The following NAV2 variants were observed in gnomAD, a reference collection of about 807,000 sequenced individuals.
NAV2 encodes neuron navigator 2.
Under a neutral mutation model 223.2 loss-of-function variants are expected in NAV2, and 54 were observed. The ratio of observed to expected loss-of-function variants is 0.24; its 90% CI spans 0.19 to 0.30. The LOEUF (loss-of-function observed/expected upper bound fraction) is 0.30, where lower values mean the gene tolerates loss of function less well. NAV2 is among the 10% of genes least tolerant of loss of function. The pLI is 1.00. For synonymous variants in NAV2, 1,279 were observed against 1,239.3 expected (o/e 1.03, Z -0.67); for missense variants, 2,806 against 3,147.5 (o/e 0.89, Z 2.60).
intron 7 of NAV2, among the ~76,000 whole-genome samples, chr11:19,936,481 A>G (rs185745847): frequency 2.0e-5 from 3 of 152,224 alleles, no homozygotes; most frequent in Admixed American, 6.5e-5. Context: ...GAAAACGTCT[A>G]TGATGTGGAT....
intron 11 of NAV2, among the ~76,000 whole-genome samples, chr11:20,024,861 A>C (rs2568131): frequency 0.18 from 27,389 of 152,156 alleles, 3,850 homozygotes; most frequent in African/African-American, 0.4. Context: ...ACTTAGTTTT[A>C]AGACAGCTGG....
intron 32 of NAV2, among the ~76,000 whole-genome samples, chr11:20,102,073 A>G (rs2061679582): frequency 1.3e-5 from 2 of 152,140 alleles, no homozygotes; most frequent in Non-Finnish European, 1.5e-5. Flanking sequence ...AACTTGATGT[A>G]GGTGCAGGAC....
At position 19,868,936 on chromosome 11, in the gene NAV2, A is replaced by T; in HGVS notation, c.450A>T (p.Ile150=). 6.2e-7 allele frequency: 1 copy of T among 1,613,956 alleles called. No individual in the cohort carries two copies. Among genetic ancestry groups the T allele is most frequent in the Non-Finnish European group, 8.5e-7 (1 of 1,179,910 alleles). The change falls in exon 4 of 38, where the codon ATA becomes ATT. Residue 150 remains isoleucine (I), a synonymous_variant. Coordinates refer to ENST00000349880, the MANE Select transcript of NAV2 (RefSeq NM_145117.5). ...PKNRSQMIEN[I]DACLNFLAAK... is the part of the protein sequence containing the mutation. ...TTTTTCCCTCCTAGATTGAAAACAT[A>T]GATGCCTGCTTGAATTTCCTGGCAG...
rs1367007921 is a variant in NAV2, at chr11:19,581,209, T to A, written c.75+230182T>A. The stretch of plus-strand genomic sequence containing the variant: ...ATTGCAAGTATCTTCTTCCTGCATG[T>A]GACTTGGTTTTTTTACTTTCTTTAA... On this transcript the variant is annotated intron_variant, in intron 1 of 37. Transcript: ENST00000360655. 2.0e-5 allele frequency among the ~76,000 whole-genome samples: 3 copies of A among 152,208 alleles called. 1 individual carries two copies. Among genetic ancestry groups the A allele is most frequent in the Non-Finnish European group, 4.4e-5 (3 of 68,038 alleles).
chr11:19,743,965 T>C (rs977304371), intron 1 of NAV2, among the ~76,000 whole-genome samples: 3 of 152,358 alleles, frequency 2.0e-5, no homozygotes, highest in East Asian at 3.9e-4. Context: ...TGGGTTGTAG[T>C]ATGCTTCCCC....
upstream of NAV2, among the ~76,000 whole-genome samples, chr11:19,347,432 C>T (rs558559723): frequency 1.5e-4 from 23 of 152,314 alleles, no homozygotes; most frequent in Middle Eastern, 3.4e-3. Context: ...CTCCCACCCC[C>T]GGGGTGGTTG....
Position 19,713,234 on chromosome 11 carries a change from C to A in NAV2, c.-462C>A. 1.2e-6 allele frequency: 1 copy of A among 851,734 alleles called. No individual in the cohort carries two copies. Among genetic ancestry groups the A allele is most frequent in the Non-Finnish European group, 1.4e-6 (1 of 706,184 alleles). The allele number at this position is 851,734 out of a possible 1,614,324, so 52.8% of individuals were successfully genotyped here. ...CCTTCCTTGGCTGCTCGCTCTTTCT[C>A]TCGCCGGCTCAGACCCGTAGCCTCC... On this transcript the variant is annotated 5_prime_UTR_variant, in exon 1 of 38. Transcript: ENST00000349880. This position sits in a 1 kb window ranked among gnomAD's most constrained non-coding sequence, Gnocchi z 7.2.
intron 3 of NAV2, among the ~76,000 whole-genome samples, chr11:19,847,927 T>C (rs1251051369): frequency 4.6e-5 from 7 of 152,194 alleles, no homozygotes; most frequent in African/African-American, 1.2e-4. Flanking sequence ...TTGGGGGACA[T>C]AGAACCTTTT....
At chr11:20,032,671 C>T (rs1014647688) in intron 11 of NAV2, among the ~76,000 whole-genome samples, 13 of 152,336 alleles carry the variant, frequency 8.5e-5, no homozygotes, top group East Asian at 1.9e-4. Flanking sequence ...CCATCTGTGA[C>T]GCCATGCTTT....
chr11:19,535,899 C>T (rs1375994836), intron 1 of NAV2, among the ~76,000 whole-genome samples: 1 of 150,926 alleles, frequency 6.6e-6, no homozygotes, highest in Non-Finnish European at 1.5e-5. Flanking sequence ...TTTGCTGAAG[C>T]TTCTAGAACA....
chr11:19,953,612 G>A (rs1407229953), intron 10 of NAV2, among the ~76,000 whole-genome samples: 5 of 152,212 alleles, frequency 3.3e-5, no homozygotes, highest in African/African-American at 7.2e-5. Flanking sequence ...TCAGTCTCAC[G>A]TGTTTCTGGT....
chr11:19,436,433 A>C (rs12798963), intron 1 of NAV2, among the ~76,000 whole-genome samples: 1 of 152,008 alleles, frequency 6.6e-6, no homozygotes, highest in Admixed American at 6.6e-5. Flanking sequence ...CCATTGGTCT[A>C]TGTGTGTTTT....
At chr11:20,022,894 A>G (rs779159408) in intron 11 of NAV2, 168 of 1,375,734 alleles carry the variant, frequency 1.2e-4, no homozygotes, top group Non-Finnish European at 1.6e-4. Context: ...ATCCTTCAGC[A>G]CTTCAGAGGT....
At chr11:19,815,845 T>C (rs1230277739) in intron 1 of NAV2, among the ~76,000 whole-genome samples, 1 of 152,214 alleles carries the variant, frequency 6.6e-6, no homozygotes, top group East Asian at 1.9e-4. Flanking sequence ...AAAAGAACTT[T>C]ATAAATGGTA....
intron 11 of NAV2, among the ~76,000 whole-genome samples, chr11:19,991,045 C>T (rs955105579): frequency 1.3e-5 from 2 of 152,228 alleles, no homozygotes; most frequent in African/African-American, 4.8e-5. Flanking sequence ...ATACCTGTCT[C>T]ACAGGACTGT....
chr11:19,921,324 G>T (rs1401875157), intron 6 of NAV2, among the ~76,000 whole-genome samples: 1 of 152,174 alleles, frequency 6.6e-6, no homozygotes, highest in African/African-American at 2.4e-5. Context: ...TTCCTCCAGA[G>T]AAATATAATA....
chr11:19,978,642 T>C (rs1478150633), intron 10 of NAV2: 1 of 133,008 alleles, frequency 7.5e-6, no homozygotes, highest in Non-Finnish European at 1.5e-5. Flanking sequence ...ATTTCTTGCA[T>C]CTGAGAGGTT....
At position 19,998,057 on chromosome 11, in the gene NAV2, G is replaced by GT. The variant is rs375732102; in HGVS notation, c.2768+13815dup. On this transcript the variant is annotated intron_variant, in intron 11 of 37. Transcript: ENST00000349880. The surrounding 1 kb of genome is among the most constrained non-coding windows in gnomAD (Gnocchi z 5.0). ...GAGGAAGGAAGCAGAACAAAAGTGT[G>GT]TTTTTCTCAGCATTCCCAGGCTTTG... 2.8e-4 allele frequency among the ~76,000 whole-genome samples: 42 copies of GT among 152,258 alleles called. 1 individual carries two copies. Among genetic ancestry groups the GT allele is most frequent in the African/African-American group, 9.6e-4 (40 of 41,542 alleles).
chr11:19,803,320 A>G (rs1190063884), intron 1 of NAV2, among the ~76,000 whole-genome samples: 3 of 151,960 alleles, frequency 2.0e-5, no homozygotes, highest in Non-Finnish European at 4.4e-5. Context: ...GCAGGGAGAT[A>G]CTCCCTCTGG....
Sources: gnomAD v4.1 joint callset for allele counts (sites outside exome capture counted in the v4.1 genomes callset) on GRCh38, gnomAD v4.1.1 for gene constraint, Gnocchi (gnomAD v3.1) non-coding constraint, MANE v1.5 for transcripts, NCBI Gene and HGNC (gene_info 2026-07-23, HGNC 2026-07-21) for gene names.